The following SGCZ variants were observed in gnomAD, a reference collection of about 807,000 sequenced individuals.
The protein encoded by SGCZ is sarcoglycan zeta.
A neutral mutation model predicts 41.3 loss-of-function variants in SGCZ; 40 were observed. The observed-to-expected ratio is 0.97, with a 90% confidence interval of 0.75 to 1.26. The LOEUF (loss-of-function observed/expected upper bound fraction) is 1.26. Among genes scored for constraint, SGCZ ranks in the 50% most tolerant of loss-of-function variants. The pLI, the probability that SGCZ is intolerant of heterozygous loss-of-function variation, is 0.00. For missense variants in SGCZ, 552 were observed against 369.8 expected (o/e 1.49, Z -4.04); for synonymous variants, 206 against 137.5 (o/e 1.50, Z -3.49).
intron 1 of SGCZ, among the ~76,000 whole-genome samples, chr8:14,618,298 G>T (rs532028907): frequency 6.6e-6 from 1 of 152,140 alleles, no homozygotes; most frequent in Non-Finnish European, 1.5e-5. Flanking sequence ...GGGAGATAGG[G>T]GTTGAATAGA....
rs1027793395 is a variant in SGCZ at position 14,402,673 on chromosome 8, G to A, written c.235-78469C>T. Among the ~76,000 whole-genome samples the A allele has an allele frequency of 9.1e-5, 13 of 143,232 alleles. 2 individuals carry two copies. Among genetic ancestry groups the A allele is most frequent in the African/African-American group, 1.8e-4 (6 of 33,778 alleles). 94.0% of individuals were successfully genotyped at this position (143,232 alleles called of 152,430 possible). A position where few individuals can be genotyped will look rare whatever the true frequency, so the allele number is the denominator to read the frequency against. On this transcript the variant is annotated intron_variant, in intron 2 of 7. Transcript: ENST00000382080. The stretch of plus-strand genomic sequence containing the variant: ...ATCTCTGTTTTGGTACCAGTACCAC[G>A]GTGTTTTGGTTACTATAGCCTTGTA...
chr8:14,401,105 T>C (rs1391750243), intron 2 of SGCZ, among the ~76,000 whole-genome samples: 4 of 152,214 alleles, frequency 2.6e-5, no homozygotes, highest in South Asian at 2.1e-4. Flanking sequence ...CTGTGCAAGA[T>C]ACAGCTCCAT....
At chr8:14,192,296 A>T (rs1302784873) in intron 4 of SGCZ, among the ~76,000 whole-genome samples, 1 of 151,998 alleles carries the variant, frequency 6.6e-6, no homozygotes, top group Admixed American at 6.5e-5. Context: ...ATACTGCTGT[A>T]TTTAATGTTA....
Position 14,087,732 on chromosome 8 carries a change from T to C in SGCZ, c.*2711A>G, listed in dbSNP as rs968801082. Among the ~76,000 whole-genome samples the C allele has an allele frequency of 2.0e-5, 3 of 151,484 alleles. No homozygotes were observed. The highest frequency in any genetic ancestry group is 7.3e-5 in the African/African-American group (3 of 41,288). ...ATATTTTTAAAAAAAAAAAAATGCT[T>C]TTTTGTGTTTGAATGTGGAAAACGA... On this transcript the variant is annotated 3_prime_UTR_variant, in exon 8 of 8. Transcript: ENST00000382080.
intron 1 of SGCZ, among the ~76,000 whole-genome samples, chr8:14,878,875 T>G (rs1804467996): frequency 6.6e-6 from 1 of 152,166 alleles, no homozygotes; most frequent in African/African-American, 2.4e-5. Flanking sequence ...TGTGAATACA[T>G]TAGTGAAAGC....
intron 1 of SGCZ, among the ~76,000 whole-genome samples, chr8:15,101,331 A>T (rs1230970825): frequency 6.6e-6 from 1 of 152,210 alleles, no homozygotes; most frequent in Non-Finnish European, 1.5e-5. Flanking sequence ...AACATTTTAA[A>T]ACTCATGTCT....
At chr8:14,233,165 C>CTTTCAT (rs1360785715) in intron 4 of SGCZ, among the ~76,000 whole-genome samples, 1 of 151,928 alleles carries the variant, frequency 6.6e-6, no homozygotes, top group African/African-American at 2.4e-5. Flanking sequence ...ATTTATCCTC[C>CTTTCAT]TTTCATTTTT....
At chr8:14,233,812 T>C (rs534630121) in intron 4 of SGCZ, among the ~76,000 whole-genome samples, 3 of 151,758 alleles carry the variant, frequency 2.0e-5, no homozygotes, top group African/African-American at 7.2e-5. Context: ...AACATAATAA[T>C]TATAGATTAA....
intron 1 of SGCZ, among the ~76,000 whole-genome samples, chr8:14,630,572 C>T (rs1416689961): frequency 3.3e-5 from 5 of 151,958 alleles, no homozygotes; most frequent in East Asian, 1.9e-4. Flanking sequence ...CACATGCACA[C>T]GTATGTTTAT....
At chr8:14,521,207 C>G (rs1371417739) in intron 2 of SGCZ, among the ~76,000 whole-genome samples, 1 of 152,138 alleles carries the variant, frequency 6.6e-6, no homozygotes, top group African/African-American at 2.4e-5. Context: ...CTGCTTCCTG[C>G]CTGATTGCAC....
At chr8:15,220,892 T>C (rs1801574458) in intron 1 of SGCZ, among the ~76,000 whole-genome samples, 1 of 152,040 alleles carries the variant, frequency 6.6e-6, no homozygotes, top group Admixed American at 6.6e-5. Context: ...AAACCATCAT[T>C]CTGAGCAAAC....
intron 1 of SGCZ, among the ~76,000 whole-genome samples, chr8:15,194,120 G>A (rs1459192329): frequency 6.6e-6 from 1 of 150,396 alleles, no homozygotes; most frequent in East Asian, 2.0e-4. Flanking sequence ...TAGTTTACAA[G>A]TAGTTTTAGT....
chr8:15,228,463 T>A (rs560280151), intron 1 of SGCZ, among the ~76,000 whole-genome samples: 1 of 152,326 alleles, frequency 6.6e-6, no homozygotes, highest in African/African-American at 2.4e-5. Flanking sequence ...TAAAAGTAAC[T>A]GTCTCTGCTG....
intron 1 of SGCZ, among the ~76,000 whole-genome samples, chr8:14,676,070 T>A (rs150205504): frequency 2.0e-5 from 3 of 152,178 alleles, no homozygotes; most frequent in African/African-American, 7.2e-5. Context: ...AGGAATGAAG[T>A]GGGAGGAATA....
intron 1 of SGCZ, among the ~76,000 whole-genome samples, chr8:14,903,641 C>G (rs1159280235): frequency 1.3e-5 from 2 of 151,962 alleles, no homozygotes; most frequent in African/African-American, 4.8e-5. Flanking sequence ...GGAACACTAT[C>G]CTGGAAGACT....
intron 1 of SGCZ, among the ~76,000 whole-genome samples, chr8:14,904,279 T>C (rs1309798491): frequency 2.0e-5 from 3 of 152,080 alleles, no homozygotes; most frequent in Non-Finnish European, 4.4e-5. Context: ...TGGTCGTTCC[T>C]GAAAACAGCA....
intron 3 of SGCZ, among the ~76,000 whole-genome samples, chr8:14,247,971 G>T (rs548871107): frequency 5.3e-5 from 8 of 152,326 alleles, no homozygotes; most frequent in African/African-American, 1.7e-4. Context: ...ACAATCTGCA[G>T]ATTTAAAGCA....
intron 3 of SGCZ, among the ~76,000 whole-genome samples, chr8:14,252,976 T>C (rs1279371656): frequency 6.6e-6 from 1 of 152,210 alleles, no homozygotes; most frequent in African/African-American, 2.4e-5. Context: ...TGGGATTTTA[T>C]TTCAGAACAT....
At chr8:15,198,005 C>T (rs533060457) in intron 1 of SGCZ, among the ~76,000 whole-genome samples, 79 of 147,868 alleles carry the variant, frequency 5.3e-4, no homozygotes, top group Non-Finnish European at 6.7e-4. Context: ...TACATAATTA[C>T]ATATGTAAAT....
Sources: gnomAD v4.1 joint callset for allele counts (sites outside exome capture counted in the v4.1 genomes callset) on GRCh38, gnomAD v4.1.1 for gene constraint, MANE v1.5 for transcripts, NCBI Gene and HGNC (gene_info 2026-07-23, HGNC 2026-07-21) for gene names.